The following CACNA1C variants were observed in gnomAD, a reference collection of about 807,000 sequenced individuals.
The protein encoded by CACNA1C is voltage-dependent L-type calcium channel subunit alpha-1C.
CACNA1C carries 30 observed loss-of-function variants against 229.0 expected under a neutral mutation model. The observed-to-expected ratio is 0.13, with a 90% CI of 0.10 to 0.18. The LOEUF is 0.18. Ranked by LOEUF, CACNA1C falls within the 10% of genes least tolerant of loss-of-function variation. CACNA1C has a pLI of 1.00. For synonymous variants in CACNA1C, 1,114 were observed against 1,132.5 expected (o/e 0.98, Z 0.33); for missense variants, 1,658 against 2,845.0 (o/e 0.58, Z 9.49).
chr12:2,469,264 A>G (rs1278617823), intron 5 of CACNA1C, among the ~76,000 whole-genome samples: 1 of 152,196 alleles, frequency 6.6e-6, no homozygotes, highest in Admixed American at 6.5e-5. Context: ...GATATTGATG[A>G]TGATAGAAAA....
rs111606207 is a variant in CACNA1C at position 2,607,008 on chromosome 12, C to T, written c.3234C>T (p.Asp1078=). ...ECKGNYITYK[D]GEVDHPIIQP... ...GGGGCAACTACATCACGTACAAAGA[C>T]GGGGAGGTTGACCACCCCATCATCC... The change falls in exon 26 of 47, where the codon GAC becomes GAT. Residue 1078 remains aspartate (D), a synonymous_variant. Coordinates refer to ENST00000399655, the MANE Select transcript of CACNA1C (RefSeq NM_000719.7). 9.6e-4 allele frequency: 1,550 copies of T among 1,613,952 alleles called. 4 individuals carry two copies. The highest frequency in any genetic ancestry group is 1.1e-3 in the Non-Finnish European group (1,338 of 1,179,854).
chr12:2,630,471 C>G lies in CACNA1C; in HGVS notation c.3829-3826C>G, dbSNP rs1187242121. 6.6e-6 allele frequency among the ~76,000 whole-genome samples: 1 copy of G among 151,974 alleles called. No homozygotes were observed. Among genetic ancestry groups the G allele is most frequent in the Non-Finnish European group, 1.5e-5 (1 of 68,022 alleles). ...GAAGGACCTGGGCCTTGTTTCTGGGCAGGGTGTGGTCCAAGTGGGAGGAAG... is the reference window on the plus strand; with the variant it reads ...GAAGGACCTGGGCCTTGTTTCTGGGGAGGGTGTGGTCCAAGTGGGAGGAAG... On this transcript the variant is annotated intron_variant, in intron 29 of 46. Transcript: ENST00000399655. This position sits in a 1 kb window ranked among gnomAD's most constrained non-coding sequence, Gnocchi z 5.4.
intron 1 of CACNA1C, among the ~76,000 whole-genome samples, chr12:2,065,296 C>A (rs145928855): frequency 1.3e-5 from 2 of 152,100 alleles, no homozygotes; most frequent in Admixed American, 6.5e-5. Flanking sequence ...TGACCTATGC[C>A]CAGCTGTCTG....
chr12:2,610,380 C>T lies in CACNA1C; in HGVS notation c.3559-161C>T, dbSNP rs540323753. Reference sequence around the variant, plus strand: ...TCAAGACATTTTCCAAATAACACCTCCCACCTGTAAGTGAGCCGGAGCGGC... The same window carrying T: ...TCAAGACATTTTCCAAATAACACCTTCCACCTGTAAGTGAGCCGGAGCGGC... On this transcript the variant is annotated intron_variant, in intron 27 of 46. Coordinates refer to ENST00000399655, the MANE Select transcript of CACNA1C (RefSeq NM_000719.7). Among the ~76,000 whole-genome samples, 13 of 152,290 alleles carry T rather than the reference C, an allele frequency of 8.5e-5. 1 individual carries two copies. The South Asian group carries it at 1.9e-3, about 22-fold the overall frequency.
In CACNA1C at chr12:2,287,408, C is replaced by T. The variant is rs1409820718; in HGVS notation, c.478-161568C>T. On this transcript the variant is annotated intron_variant, in intron 3 of 46. Coordinates refer to ENST00000399655, the MANE Select transcript of CACNA1C (RefSeq NM_000719.7). This position sits in a 1 kb window ranked among gnomAD's most constrained non-coding sequence, Gnocchi z 4.6. ...AGAGAAATGAGGGAATGAGAATGAA[C>T]GTGGCTGCTCGTGTGTTCCGTGGCT... Among the ~76,000 whole-genome samples, 2 of 152,110 alleles carry T rather than the reference C, an allele frequency of 1.3e-5. No individual in the cohort carries two copies. The highest frequency in any genetic ancestry group is 2.4e-5 in the African/African-American group (1 of 41,432).
chr12:1,985,536 A>G (rs1199573865), intron 1 of CACNA1C, among the ~76,000 whole-genome samples: 1 of 152,186 alleles, frequency 6.6e-6, no homozygotes, highest in Non-Finnish European at 1.5e-5. Flanking sequence ...GAGCATGGTA[A>G]TAACTATCTT....
At chr12:2,459,169 G>GTTTTTTTTT (rs59909090) in intron 5 of CACNA1C, among the ~76,000 whole-genome samples, 88 of 109,370 alleles carry the variant, frequency 8.0e-4, no homozygotes, top group Non-Finnish European at 1.1e-3. Flanking sequence ...TTTTGTGTGT[G>GTTTTTTTTT]TTTTTTTTTT....
intron 3 of CACNA1C, among the ~76,000 whole-genome samples, chr12:2,402,120 A>G (rs2098687364): frequency 6.6e-6 from 1 of 152,276 alleles, no homozygotes; most frequent in Non-Finnish European, 1.5e-5. Flanking sequence ...AAATGCTGCA[A>G]CATCCTGCTT....
chr12:2,160,949 G>C (rs1452121984), intron 3 of CACNA1C, among the ~76,000 whole-genome samples: 1 of 152,234 alleles, frequency 6.6e-6, no homozygotes, highest in Admixed American at 6.5e-5. Context: ...AGCCTCCTGA[G>C]TAGCTGGGAC....
At chr12:2,683,519 C>CAGAGAGGGCATATGTCATTTCAATTTTGT (rs1347005637) in intron 43 of CACNA1C, among the ~76,000 whole-genome samples, 1 of 152,186 alleles carries the variant, frequency 6.6e-6, no homozygotes, top group Non-Finnish European at 1.5e-5. Flanking sequence ...GCCTCTGAGA[C>CAGAGAGGGCATATGTCATTTCAATTTTGT]AGAGAGGGCA....
chr12:2,603,518 T>C (rs1228078912), intron 22 of CACNA1C: 2 of 152,230 alleles, frequency 1.3e-5, no homozygotes, highest in Non-Finnish European at 2.9e-5. Flanking sequence ...CCGTGAGGGT[T>C]AGGATGTGCT....
At chr12:2,180,750 G>T (rs948393294) in intron 3 of CACNA1C, among the ~76,000 whole-genome samples, 3 of 152,138 alleles carry the variant, frequency 2.0e-5, no homozygotes, top group Non-Finnish European at 4.4e-5. Flanking sequence ...AGAGTGAGTT[G>T]TTTAATCTCT....
At chr12:2,038,001 G>A (rs761948114) in intron 1 of CACNA1C, among the ~76,000 whole-genome samples, 2 of 152,026 alleles carry the variant, frequency 1.3e-5, no homozygotes, top group South Asian at 2.1e-4. Context: ...CGGGACCACC[G>A]ACTCTATTTT....
intron 1 of CACNA1C, among the ~76,000 whole-genome samples, chr12:2,080,584 G>A (rs1324711688): frequency 1.4e-5 from 2 of 142,968 alleles, no homozygotes; most frequent in Non-Finnish European, 3.0e-5. Flanking sequence ...ATGGGCAACA[G>A]AGTGAGACTC....
At chr12:2,162,843 G>A (rs1376586914) in intron 3 of CACNA1C, among the ~76,000 whole-genome samples, 1 of 152,056 alleles carries the variant, frequency 6.6e-6, no homozygotes, top group Non-Finnish European at 1.5e-5. Context: ...GTATACTTTT[G>A]TGAACCACTC....
At chr12:2,502,758 C>T (rs1461928333) in intron 7 of CACNA1C, among the ~76,000 whole-genome samples, 8 of 152,298 alleles carry the variant, frequency 5.3e-5, no homozygotes, top group South Asian at 2.1e-4. Flanking sequence ...GTTTATCCAG[C>T]GTACTTAGAC....
chr12:2,438,627 T>C (rs2099181836), intron 3 of CACNA1C, among the ~76,000 whole-genome samples: 1 of 151,964 alleles, frequency 6.6e-6, no homozygotes, highest in South Asian at 2.1e-4. Context: ...GCACAGAATG[T>C]GGCTGGGGAA....
chr12:2,361,356 C>G (rs1364659714), intron 3 of CACNA1C, among the ~76,000 whole-genome samples: 1 of 152,194 alleles, frequency 6.6e-6, no homozygotes, highest in Non-Finnish European at 1.5e-5. Flanking sequence ...CTGTAATAGA[C>G]TTTCCAGTGT....
At chr12:2,283,903 A>G (rs1028529862) in intron 3 of CACNA1C, among the ~76,000 whole-genome samples, 6 of 152,202 alleles carry the variant, frequency 3.9e-5, no homozygotes, top group Admixed American at 3.3e-4. Context: ...GATATTAGAT[A>G]TGGCTGGTGG....
Sources: allele counts gnomAD v4.1 joint callset (sites outside exome capture counted in the v4.1 genomes callset), GRCh38; gene constraint gnomAD v4.1.1; non-coding constraint Gnocchi (gnomAD v3.1); transcripts MANE v1.5; gene names NCBI Gene and HGNC (gene_info 2026-07-23, HGNC 2026-07-21).